ASCC3: variants seen among roughly 807,000 people sequenced by gnomAD.
The protein encoded by ASCC3 is activating signal cointegrator 1 complex subunit 3.
Under a neutral mutation model 256.3 loss-of-function variants are expected in ASCC3, and 158 were observed. That is an observed-to-expected ratio of 0.62 (90% CI 0.54 to 0.70). ASCC3 has a LOEUF of 0.70. Among genes scored for constraint, ASCC3 ranks in the 30% least tolerant of loss-of-function variants. ASCC3 has a pLI of 0.00. For synonymous variants in ASCC3, 948 were observed against 883.4 expected (o/e 1.07, Z -1.30); for missense variants, 2,259 against 2,626.0 (o/e 0.86, Z 3.05).
chr6:100,558,735 T>G (rs1439750344), intron 36 of ASCC3, among the ~76,000 whole-genome samples: 1 of 152,176 alleles, frequency 6.6e-6, no homozygotes, highest in East Asian at 1.9e-4. Context: ...CATTACTACC[T>G]CGACTTAACA....
chr6:100,814,193 G>A (rs1292690330), intron 4 of ASCC3, among the ~76,000 whole-genome samples: 3 of 152,058 alleles, frequency 2.0e-5, no homozygotes, highest in Non-Finnish European at 4.4e-5. Flanking sequence ...ATCTATTGAG[G>A]TAAGCATGTG....
intron 13 of ASCC3, among the ~76,000 whole-genome samples, chr6:100,681,260 A>G (rs1315309411): frequency 2.0e-5 from 3 of 152,290 alleles, no homozygotes; most frequent in Admixed American, 2.0e-4. Context: ...CTCAAAACAA[A>G]GCAAAACAAA....
At chr6:100,737,760 G>A (rs1258180303) in intron 10 of ASCC3, among the ~76,000 whole-genome samples, 2 of 152,174 alleles carry the variant, frequency 1.3e-5, no homozygotes, top group Admixed American at 1.3e-4. Context: ...TGGGATTGCT[G>A]GCTCAAATGG....
intron 10 of ASCC3, among the ~76,000 whole-genome samples, chr6:100,745,310 G>C (rs554144885): frequency 7.9e-5 from 12 of 151,884 alleles, no homozygotes; most frequent in Non-Finnish European, 1.2e-4. Context: ...CTGGGTGACA[G>C]AGCGAGACTC....
intron 23 of ASCC3, among the ~76,000 whole-genome samples, chr6:100,643,579 C>T (rs144737521): frequency 2.4e-4 from 37 of 152,234 alleles, no homozygotes; most frequent in Admixed American, 9.2e-4. Context: ...GATGGTATAG[C>T]CTCCTAAATA....
intron 8 of ASCC3, among the ~76,000 whole-genome samples, chr6:100,791,206 T>G (rs561855236): frequency 5.3e-5 from 8 of 152,028 alleles, no homozygotes; most frequent in African/African-American, 1.9e-4. Flanking sequence ...ATTAAAAGCA[T>G]GTACCACACT....
At chr6:100,626,700 T>C (rs1016947805) in intron 29 of ASCC3, among the ~76,000 whole-genome samples, 17 of 152,128 alleles carry the variant, frequency 1.1e-4, no homozygotes, top group Non-Finnish European at 4.4e-5. Flanking sequence ...AGAATGTAAA[T>C]GATAAAGCTT....
chr6:100,807,308 T>A (rs1194147745), intron 4 of ASCC3, among the ~76,000 whole-genome samples: 1 of 44,950 alleles, frequency 2.2e-5, no homozygotes, highest in Non-Finnish European at 4.6e-5. Context: ...CTCCCTCCCC[T>A]CAAAAAAAAG....
intron 40 of ASCC3, among the ~76,000 whole-genome samples, chr6:100,511,586 G>C (rs1427455957): frequency 6.6e-6 from 1 of 152,062 alleles, no homozygotes; most frequent in Non-Finnish European, 1.5e-5. Context: ...CAAAAAATTA[G>C]TTGAGTGTAG....
intron 4 of ASCC3, among the ~76,000 whole-genome samples, chr6:100,817,624 T>C (rs945453130): frequency 2.0e-5 from 3 of 151,910 alleles, no homozygotes; most frequent in East Asian, 1.9e-4. Context: ...AAAAAAAGAT[T>C]ATACAGGAAT....
rs1774126054 is a variant in ASCC3 at position 100,518,116 on chromosome 6, C to T, written c.5802G>A (p.Gln1934=). ...TATTCAGGACAGTCACCAGCCAGCC[C>T]TGGTTTGCAGCCACGTCCAGCATTG... is the stretch of plus-strand genomic sequence containing the variant. The part of the protein sequence containing the change: ...CQAMLDVAAN[Q]GWLVTVLNIT... Residue 1934 remains glutamine (Q), a synonymous_variant, in exon 38 of 42, where the codon CAG becomes CAA. Coordinates refer to ENST00000369162, the MANE Select transcript of ASCC3 (RefSeq NM_006828.4). The T allele has an allele frequency of 6.2e-7, 1 of 1,613,448 alleles. No individual in the cohort carries two copies. Among genetic ancestry groups the T allele is most frequent in the Admixed American group, 1.7e-5 (1 of 59,886 alleles).
At chr6:100,870,555 G>A (rs1043745149) in intron 1 of ASCC3, among the ~76,000 whole-genome samples, 46 of 152,086 alleles carry the variant, frequency 3.0e-4, no homozygotes, top group Non-Finnish European at 4.4e-5. Flanking sequence ...AAAAAATGAG[G>A]TATTAAAAAC....
At chr6:100,844,009 A>G (rs1437145563) in intron 4 of ASCC3, among the ~76,000 whole-genome samples, 5 of 151,712 alleles carry the variant, frequency 3.3e-5, no homozygotes, top group Admixed American at 1.3e-4. Context: ...ATATTTCACA[A>G]ATTAGAGAAA....
At chr6:100,759,173 T>G (rs1281465589) in intron 10 of ASCC3, among the ~76,000 whole-genome samples, 2 of 152,212 alleles carry the variant, frequency 1.3e-5, no homozygotes, top group Non-Finnish European at 2.9e-5. Flanking sequence ...AAAAATTTTC[T>G]CCCATTCTGT....
intron 1 of ASCC3, among the ~76,000 whole-genome samples, chr6:100,878,010 C>T (rs1252711210): frequency 6.6e-6 from 1 of 152,148 alleles, no homozygotes; most frequent in Non-Finnish European, 1.5e-5. Context: ...GTAGGACATG[C>T]TGAGAGACAG....
chr6:100,799,255 T>A (rs982545660), intron 7 of ASCC3, among the ~76,000 whole-genome samples, 176 bp downstream of exon 7: 1 of 152,068 alleles, frequency 6.6e-6, no homozygotes, highest in African/African-American at 2.4e-5. Flanking sequence ...GTTCTGAATA[T>A]CTACTATATG....
intron 22 of ASCC3, among the ~76,000 whole-genome samples, chr6:100,646,105 C>T (rs1775367221): frequency 6.6e-6 from 1 of 151,822 alleles, no homozygotes; most frequent in East Asian, 1.9e-4. Context: ...GTAGACATGG[C>T]AAAAATGAAG....
intron 13 of ASCC3, among the ~76,000 whole-genome samples, chr6:100,682,223 T>TATTC (rs71276576): frequency 0.35 from 52,389 of 151,488 alleles, 10,667 homozygotes; most frequent in Middle Eastern, 0.52. Flanking sequence ...GTAATTTATT[T>TATTC]ATTCATTCAT....
intron 36 of ASCC3, among the ~76,000 whole-genome samples, chr6:100,586,217 G>C (rs1395136305): frequency 6.6e-6 from 1 of 152,204 alleles, no homozygotes; most frequent in Non-Finnish European, 1.5e-5. Flanking sequence ...AGGCCTCCTT[G>C]AGCTGTGGTG....
Sources: allele counts gnomAD v4.1 joint callset (sites outside exome capture counted in the v4.1 genomes callset), GRCh38; gene constraint gnomAD v4.1.1; transcripts MANE v1.5; gene names NCBI Gene and HGNC (gene_info 2026-07-23, HGNC 2026-07-21).